Variants in PDE4C observed in about 807,000 individuals in gnomAD.
The protein encoded by PDE4C is phosphodiesterase 4C, also known as 3',5'-cyclic-AMP phosphodiesterase 4C.
In PDE4C, 50 loss-of-function variants were observed where a neutral mutation model predicts 63.9. The ratio of observed to expected loss-of-function variants is 0.78; its 90% confidence interval spans 0.62 to 0.99. PDE4C has a LOEUF of 0.99. Ranked by LOEUF, PDE4C falls within the 50% of genes least tolerant of loss-of-function variation. The pLI is 0.00. For missense variants in PDE4C, 777 were observed against 899.1 expected (o/e 0.86, Z 1.74); for synonymous variants, 377 against 385.1 (o/e 0.98, Z 0.25).
At chr19:18,250,104 C>T (rs900291370), upstream of PDE4C, 4 of 398,646 alleles carry the variant, frequency 1.0e-5, no homozygotes, top group Non-Finnish European at 1.3e-5. Flanking sequence ...CCATCCATGC[C>T]CCCATCTCTG....
exon 14 of PDE4C, chr19:18,211,815 C>T: frequency 1.9e-6 from 3 of 1,614,236 alleles, no homozygotes; most frequent in Non-Finnish European, 2.5e-6. Flanking sequence ...ATGTCCAGGC[C>T]CGACTCACGC....
upstream of PDE4C, among the ~76,000 whole-genome samples, chr19:18,229,654 G>A (rs544197443): frequency 6.6e-6 from 1 of 152,034 alleles, no homozygotes; most frequent in Non-Finnish European, 1.5e-5. Context: ...TTTTAAATGG[G>A]TGTTTTTGAC....
chr19:18,223,383 T>A (rs1968576407), intron 1 of PDE4C, among the ~76,000 whole-genome samples: 1 of 152,186 alleles, frequency 6.6e-6, no homozygotes, highest in African/African-American at 2.4e-5. Flanking sequence ...GCTAATTTTG[T>A]ATTTTTAGTA....
upstream of PDE4C, chr19:18,252,594 C>T: frequency 2.5e-6 from 1 of 392,726 alleles, no homozygotes; most frequent in Non-Finnish European, 4.5e-6. Flanking sequence ...GCGAGACCCT[C>T]TCTCTCTCTC....
chr19:18,222,860 C>T lies in PDE4C; in HGVS notation c.147-537G>A, dbSNP rs553006830. On this transcript the variant is annotated intron_variant, in intron 1 of 14. Coordinates refer to ENST00000262805, the Ensembl canonical transcript of PDE4C. ...GACTACAGGAGCATGCCCCAACACT[C>T]GGCTAATTTTAAAATTTTTTGTAGA... Among the ~76,000 whole-genome samples, 4 of 151,646 alleles carry T rather than the reference C, an allele frequency of 2.6e-5. No individual in the cohort carries two copies. The South Asian group carries it at 6.3e-4, about 24-fold the overall frequency.
chr19:18,220,124 T>G lies in PDE4C; in HGVS notation c.706+102A>C. 1 of 922,946 alleles carries G rather than the reference T, an allele frequency of 1.1e-6. No homozygotes were observed. Among genetic ancestry groups the G allele is most frequent in the South Asian group, 1.4e-5 (1 of 70,056 alleles). The allele number at this position is 922,946 out of a possible 1,614,324, so 57.2% of individuals were successfully genotyped here. ...CTCATGGGGGCTGAAGGTGTCTGTG[T>G]CTGGCTGTATCTCCCCCAGACTGAG... On this transcript the variant is annotated intron_variant, in intron 7 of 14. Transcript: ENST00000262805. The surrounding 1 kb of genome is among the most constrained non-coding windows in gnomAD (Gnocchi z 5.1).
At chr19:18,237,263 T>TGGTCC (rs1398123916), upstream of PDE4C, among the ~76,000 whole-genome samples, 6 of 152,176 alleles carry the variant, frequency 3.9e-5, no homozygotes, top group East Asian at 9.7e-4. Flanking sequence ...AAATAGTGCC[T>TGGTCC]GGTCCAGGCC....
At chr19:18,233,299 A>G (rs1968890802) in exon 1 of PDE4C, 1 of 1,471,526 alleles carries the variant, frequency 6.8e-7, no homozygotes, top group Non-Finnish European at 9.2e-7. Flanking sequence ...AGTGGAGGCG[A>G]CAGCGAGGAG....
intron 1 of PDE4C, chr19:18,224,138 C>T (rs1015382758): frequency 2.1e-6 from 2 of 936,002 alleles, no homozygotes; most frequent in South Asian, 4.9e-5. Flanking sequence ...CCGTTCTACC[C>T]TCAAACCCTG....
chr19:18,243,713 T>TG (rs1232663987), intron 1 of PDE4C, among the ~76,000 whole-genome samples: 3 of 152,174 alleles, frequency 2.0e-5, no homozygotes, highest in Admixed American at 2.0e-4. Flanking sequence ...CCAAGAGCCC[T>TG]GATTCCTGGG....
intron 12 of PDE4C, 39 bp downstream of exon 12, chr19:18,216,702 C>T: frequency 6.5e-7 from 1 of 1,548,432 alleles, no homozygotes; most frequent in Non-Finnish European, 8.7e-7. Context: ...GCCCCGCTCC[C>T]CTCTGCCCCT....
At chr19:18,219,808 G>A in intron 7 of PDE4C, 1 of 208,340 alleles carries the variant, frequency 4.8e-6, no homozygotes, top group African/African-American at 2.3e-5. Flanking sequence ...AGGCAACAAA[G>A]TGAAACTCTG....
At chr19:18,237,923 A>ATATT (rs1187313859), upstream of PDE4C, among the ~76,000 whole-genome samples, 1 of 151,652 alleles carries the variant, frequency 6.6e-6, no homozygotes, top group Non-Finnish European at 1.5e-5. Flanking sequence ...CATTGCAGAA[A>ATATT]TATTTATTTA....
upstream of PDE4C, among the ~76,000 whole-genome samples, chr19:18,248,397 G>A (rs1969170467): frequency 6.8e-6 from 1 of 146,520 alleles, no homozygotes; most frequent in South Asian, 2.2e-4. Context: ...GGGGACGAGA[G>A]AGTGGCCAAG....
At chr19:18,217,016 GC>G (rs1346436765) in intron 11 of PDE4C, 121 bp from the exon 12 acceptor site, 6 of 1,108,434 alleles carry the variant, frequency 5.4e-6, no homozygotes, top group Non-Finnish European at 7.6e-6. Flanking sequence ...ACTCTAGCAT[GC>G]CCTCCTGTAA....
intron 12 of PDE4C, among the ~76,000 whole-genome samples, chr19:18,216,138 G>A (rs977463399): frequency 6.6e-6 from 1 of 150,934 alleles, no homozygotes; most frequent in African/African-American, 2.4e-5. Flanking sequence ...GCCCAGATGT[G>A]CTTAATTTAA....
intron 1 of PDE4C, among the ~76,000 whole-genome samples, chr19:18,224,661 G>A (rs1968647778): frequency 6.6e-6 from 1 of 152,224 alleles, no homozygotes; most frequent in Admixed American, 6.5e-5. Flanking sequence ...GGGCATGTTC[G>A]GTCACGTCCG....
At position 18,221,302 on chromosome 19, in the gene PDE4C, G is replaced by A. The variant is rs150573474; in HGVS notation, c.339-5C>T. 15 of 1,541,070 alleles carry A rather than the reference G, an allele frequency of 9.7e-6. No individual in the cohort carries two copies. The African/African-American group carries it at 1.5e-4, about 16-fold the overall frequency. On this transcript the variant is annotated splice_region_variant and splice_polypyrimidine_tract_variant and intron_variant, in intron 2 of 14. Transcript: ENST00000262805. ...ACAATCATGTCCTCTCCATGTCTGC[G>A]AGGAGACGGGCCATCAGGGAGAGCT...
chr19:18,225,082 G>A (rs931166833), intron 1 of PDE4C, among the ~76,000 whole-genome samples: 3 of 152,242 alleles, frequency 2.0e-5, no homozygotes, highest in African/African-American at 7.2e-5. Flanking sequence ...TGGGGCGGGG[G>A]AGGCTGTTTT....
Sources: gnomAD v4.1 joint callset for allele counts (sites outside exome capture counted in the v4.1 genomes callset) on GRCh38, gnomAD v4.1.1 for gene constraint, Gnocchi (gnomAD v3.1) non-coding constraint, MANE v1.5 for transcripts, NCBI Gene and HGNC (gene_info 2026-07-23, HGNC 2026-07-21) for gene names.